The following IFI27L1 variants were observed in gnomAD, a reference collection of about 807,000 sequenced individuals.
IFI27L1 encodes interferon alpha inducible protein 27 like 1.
In IFI27L1, 3 loss-of-function variants were observed where a neutral mutation model predicts 9.2. The observed-to-expected ratio is 0.32, with a 90% confidence interval of 0.15 to 0.84. IFI27L1 has a LOEUF of 0.84. IFI27L1 is among the 40% of genes least tolerant of loss of function. The pLI is 0.56. For missense variants in IFI27L1, 133 were observed against 134.2 expected, an observed-to-expected ratio of 0.99 and a Z score of 0.05; for synonymous variants, 53 against 50.0, an observed-to-expected ratio of 1.06 and a Z score of -0.26.
chr14:94,098,378 G>C (rs77536371), intron 2 of IFI27L1, among the ~76,000 whole-genome samples: 13,732 of 152,124 alleles, frequency 0.09, 760 homozygotes, highest in Non-Finnish European at 0.12. Context: ...GCTTCTCCCT[G>C]TGTGACTCCA....
At chr14:94,083,793 A>G (rs1469882220) in intron 1 of IFI27L1, among the ~76,000 whole-genome samples, 2 of 152,224 alleles carry the variant, frequency 1.3e-5, no homozygotes, top group East Asian at 3.8e-4. Context: ...TATGAATTAA[A>G]AAGAAATTGG....
chr14:94,099,002 T>A (rs1343419338), intron 2 of IFI27L1, among the ~76,000 whole-genome samples: 1 of 152,000 alleles, frequency 6.6e-6, no homozygotes, highest in African/African-American at 2.4e-5. Flanking sequence ...CACAAGGAGC[T>A]TTGCTCTAAG....
intron 1 of IFI27L1, among the ~76,000 whole-genome samples, chr14:94,084,112 T>C (rs1886201373): frequency 6.6e-6 from 1 of 152,224 alleles, no homozygotes; most frequent in African/African-American, 2.4e-5. Flanking sequence ...ACTATTTTAA[T>C]GTTATTCTTA....
At chr14:94,094,528 A>G (rs1365058076) in intron 1 of IFI27L1, among the ~76,000 whole-genome samples, 1 of 152,166 alleles carries the variant, frequency 6.6e-6, no homozygotes, top group Non-Finnish European at 1.5e-5. Flanking sequence ...GACTTTGCTG[A>G]TAAAGCAGCA....
At chr14:94,084,759 C>T (rs918864366) in intron 1 of IFI27L1, among the ~76,000 whole-genome samples, 3 of 152,158 alleles carry the variant, frequency 2.0e-5, no homozygotes, top group East Asian at 1.9e-4. Context: ...CTTGCAGCTG[C>T]ACAGCTAGAG....
At chr14:94,101,032 T>C (rs1437699916) in intron 3 of IFI27L1, 4 of 594,894 alleles carry the variant, frequency 6.7e-6, no homozygotes, top group South Asian at 4.1e-5. Context: ...GGATGAGTCA[T>C]TGGAGCAGTC....
rs1262087098 is a variant in IFI27L1, at chr14:94,102,658, A to G, written c.*90A>G. On this transcript the variant is annotated 3_prime_UTR_variant, in exon 5 of 5. Transcript: ENST00000555523. The stretch of plus-strand genomic sequence containing the variant: ...CAATCTTCCAAAGGACAAGTCTCCT[A>G]CTCCCAAAACTATTTAAGGAAGCAT... 1 of 642,326 alleles carries G rather than the reference A, an allele frequency of 1.6e-6. No individual in the cohort carries two copies. The highest frequency in any genetic ancestry group is 1.9e-5 in the African/African-American group (1 of 53,146). 39.8% of individuals were successfully genotyped at this position (642,326 alleles called of 1,614,324 possible). A position where few individuals can be genotyped will look rare whatever the true frequency, so the allele number is the denominator to read the frequency against.
chr14:94,096,993 T>C (rs776789849), intron 2 of IFI27L1, 28 bp downstream of exon 2: 12 of 1,593,390 alleles, frequency 7.5e-6, no homozygotes, highest in Middle Eastern at 1.7e-4. Flanking sequence ...TTCTGGGGGC[T>C]GCTGGTCCTT....
chr14:94,086,499 T>C (rs1886284815), intron 1 of IFI27L1, among the ~76,000 whole-genome samples: 1 of 152,144 alleles, frequency 6.6e-6, no homozygotes, highest in Non-Finnish European at 1.5e-5. Context: ...CCAATAAATA[T>C]TAATCTATAA....
intron 1 of IFI27L1, among the ~76,000 whole-genome samples, chr14:94,085,495 C>G (rs917408130): frequency 1.3e-5 from 2 of 152,252 alleles, no homozygotes; most frequent in East Asian, 3.9e-4. Flanking sequence ...ATACACATAC[C>G]TTTCATATAG....
intron 2 of IFI27L1, chr14:94,097,377 T>C (rs1430484732): frequency 3.6e-6 from 2 of 559,198 alleles, no homozygotes; most frequent in Admixed American, 3.2e-5. Flanking sequence ...AGAGCATCTT[T>C]GTAATAGCTC....
chr14:94,083,028 C>A (rs1886163741), intron 1 of IFI27L1, among the ~76,000 whole-genome samples: 1 of 152,152 alleles, frequency 6.6e-6, no homozygotes, highest in Non-Finnish European at 1.5e-5. Context: ...GGAAAGGGTT[C>A]ACTATTTTAG....
chr14:94,083,361 G>T (rs1376555816), intron 1 of IFI27L1, among the ~76,000 whole-genome samples: 3 of 152,210 alleles, frequency 2.0e-5, no homozygotes, highest in African/African-American at 7.2e-5. Context: ...AAATGACAAT[G>T]AAGGATTTAG....
At chr14:94,085,445 C>T (rs2141445340) in intron 1 of IFI27L1, among the ~76,000 whole-genome samples, 1 of 152,282 alleles carries the variant, frequency 6.6e-6, no homozygotes, top group African/African-American at 2.4e-5. Context: ...CTCAATTGAC[C>T]TTAGCAATTC....
In IFI27L1 at chr14:94,102,652, TCTC is replaced by T; in HGVS notation, c.*87_*89del. The T allele has an allele frequency of 2.8e-6, 2 of 709,266 alleles. No homozygotes were observed. The highest frequency in any genetic ancestry group is 2.3e-6 in the Non-Finnish European group (1 of 439,936). The allele number at this position is 709,266 out of a possible 1,614,324, so 43.9% of individuals were successfully genotyped here. A position where few individuals can be genotyped will look rare whatever the true frequency, so the allele number is the denominator to read the frequency against. ...GGATGACAATCTTCCAAAGGACAAG[TCTC>T]CTACTCCCAAAACTATTTAAGGAAG... On this transcript the variant is annotated 3_prime_UTR_variant, in exon 5 of 5. Transcript: ENST00000555523.
At position 94,087,742 on chromosome 14, in the gene IFI27L1, T is replaced by C. The variant is rs570867413; in HGVS notation, c.-52+6293T>C. On this transcript the variant is annotated intron_variant, in intron 1 of 4. Coordinates refer to ENST00000555523, the MANE Select transcript of IFI27L1 (RefSeq NM_206949.3). ...TGCCCAGCCGATTGTCGTTTTTTTTTTTAACACAAGCAACTCCATTTTGAC... is the reference window on the plus strand; with the variant it reads ...TGCCCAGCCGATTGTCGTTTTTTTTCTTAACACAAGCAACTCCATTTTGAC... Among the ~76,000 whole-genome samples the C allele has an allele frequency of 7.9e-5, 12 of 152,274 alleles. No individual in the cohort carries two copies. The South Asian group carries it at 1.7e-3, about 21-fold the overall frequency.
chr14:94,090,224 A>G (rs936568025), intron 1 of IFI27L1, among the ~76,000 whole-genome samples: 2 of 152,200 alleles, frequency 1.3e-5, no homozygotes, highest in South Asian at 4.1e-4. Flanking sequence ...AGCTGCAGCC[A>G]GAGATCACCG....
At chr14:94,087,211 G>C (rs928677495) in intron 1 of IFI27L1, among the ~76,000 whole-genome samples, 7 of 152,030 alleles carry the variant, frequency 4.6e-5, no homozygotes, top group Admixed American at 4.6e-4. Context: ...TAACAGCAAG[G>C]GTGACACCAG....
chr14:94,097,913 A>G (rs146694803), intron 2 of IFI27L1, among the ~76,000 whole-genome samples: 1 of 152,308 alleles, frequency 6.6e-6, no homozygotes, highest in East Asian at 1.9e-4. Flanking sequence ...TAGGCTGAGC[A>G]CATCAATCTG....
Sources: allele counts gnomAD v4.1 joint callset (sites outside exome capture counted in the v4.1 genomes callset), GRCh38; gene constraint gnomAD v4.1.1; transcripts MANE v1.5; gene names NCBI Gene and HGNC (gene_info 2026-07-23, HGNC 2026-07-21).